COQ4: variants seen among roughly 807,000 people sequenced by gnomAD.
COQ4 encodes the protein coenzyme Q4, also known as ubiquinone biosynthesis protein COQ4 homolog, mitochondrial.
COQ4 carries 36 observed loss-of-function variants against 30.2 expected under a neutral mutation model. The ratio of observed to expected loss-of-function variants is 1.19; its 90% CI spans 0.91 to 1.57. The LOEUF is 1.57. COQ4 is among the 40% of genes most tolerant of loss of function. COQ4 has a pLI of 0.00. For synonymous variants in COQ4, 197 were observed against 161.0 expected, an observed-to-expected ratio of 1.22 and a Z score of -1.69; for missense variants, 369 against 371.9, an observed-to-expected ratio of 0.99 and a Z score of 0.07.
intron 2 of COQ4, 130 bp downstream of exon 2, chr9:128,323,277 A>G (rs12553525): frequency 2.2e-6 from 2 of 919,900 alleles, no homozygotes; most frequent in Admixed American, 3.2e-5. Context: ...GTTTATGAAA[A>G]TGCAGATTCC....
In COQ4 at chr9:128,332,835, A is replaced by G. The variant is rs1260114614; in HGVS notation, c.533-15A>G. 2.5e-6 allele frequency: 4 copies of G among 1,603,284 alleles called. No homozygotes were observed. The stretch of plus-strand genomic sequence containing the variant: ...AGATAGCTTGTTCACCTCCCAACAC[A>G]TCCCTCACCCACAGGGGAGATCGTG... On this transcript the variant is annotated splice_polypyrimidine_tract_variant and intron_variant, in intron 5 of 6. Coordinates refer to ENST00000300452, the MANE Select transcript of COQ4 (RefSeq NM_016035.5).
At chr9:128,323,998 T>C (rs530400859) in intron 2 of COQ4, among the ~76,000 whole-genome samples, 9 of 152,192 alleles carry the variant, frequency 5.9e-5, no homozygotes, top group Admixed American at 1.3e-4. Flanking sequence ...GTTTGTTTTG[T>C]TTTGAGACAC....
intron 4 of COQ4, among the ~76,000 whole-genome samples, chr9:128,329,138 C>A (rs1832366892): frequency 6.6e-6 from 1 of 152,176 alleles, no homozygotes; most frequent in African/African-American, 2.4e-5. Context: ...AATCCTGGCT[C>A]TCTTCCCAGC....
At chr9:128,323,718 C>G (rs1415328001) in intron 2 of COQ4, 1 of 176,882 alleles carries the variant, frequency 5.7e-6, no homozygotes, top group African/African-American at 2.4e-5. Flanking sequence ...ATCGGGGGGC[C>G]GAAGCGGGCA....
intron 4 of COQ4, among the ~76,000 whole-genome samples, chr9:128,328,251 C>A (rs1398260877): frequency 6.6e-6 from 1 of 151,946 alleles, no homozygotes; most frequent in African/African-American, 2.4e-5. Flanking sequence ...AGGTTTTGAG[C>A]AGGACAGTAA....
rs1351882911 is a variant in COQ4 at position 128,323,115 on chromosome 9, C to T, written c.170C>T (p.Ala57Val). ...LQKGLLAAGS[A>V]AMALYNPYRH... is the part of the protein sequence containing the mutation. ...AAAGGGCTGTTGGCCGCCGGCTCCG[C>T]GGCGATGGCGCTCTATAACCCCTAC... The change falls in exon 2 of 7, where the codon GCG (alanine) becomes GTG (valine). Residue 57 changes from alanine (A) to valine (V), a missense_variant. Ala to Val is a moderately conservative substitution (Grantham distance 64). Transcript: ENST00000300452. 1.2e-6 allele frequency: 2 copies of T among 1,610,286 alleles called. No individual in the cohort carries two copies. Among genetic ancestry groups the T allele is most frequent in the East Asian group, 2.2e-5 (1 of 44,852 alleles).
At chr9:128,333,274 T>C (rs1312513392) in intron 6 of COQ4, among the ~76,000 whole-genome samples, 200 bp from the exon 7 acceptor site, 1 of 152,130 alleles carries the variant, frequency 6.6e-6, no homozygotes, top group Non-Finnish European at 1.5e-5. Context: ...AAATCTGAGC[T>C]TCGACATGTT....
chr9:128,323,144 C>G lies in COQ4; in HGVS notation c.199C>G (p.His67Asp), dbSNP rs1170314790. 5 of 1,587,628 alleles carry G rather than the reference C, an allele frequency of 3.1e-6. No individual in the cohort carries two copies. Among genetic ancestry groups the G allele is most frequent in the Non-Finnish European group, 3.4e-6 (4 of 1,170,398 alleles). ...AAMALYNPYR[H>D]DMVAVLGETT... The stretch of plus-strand genomic sequence containing the variant: ...GATGGCGCTCTATAACCCCTACCGC[C>G]ACGGTAAGGCCGCCCGCGCCTCGCC... The change falls in exon 2 of 7, where the codon CAC (histidine) becomes GAC (aspartate). Residue 67 changes from histidine (H) to aspartate (D), a missense_variant. Transcript: ENST00000300452.
chr9:128,332,820 T>C, intron 5 of COQ4, 30 bp from the exon 6 acceptor site: 1 of 1,543,230 alleles, frequency 6.5e-7, no homozygotes, highest in Non-Finnish European at 9.0e-7. Flanking sequence ...AGATAGCTTG[T>C]TCACCTCCCA....
chr9:128,332,751 G>C (rs1832435935), intron 5 of COQ4, 99 bp from the exon 6 acceptor site: 3 of 939,754 alleles, frequency 3.2e-6, no homozygotes, highest in Non-Finnish European at 5.3e-6. Flanking sequence ...ACCCCGTAGA[G>C]ATTAGGGAGG....
chr9:128,330,573 A>C (rs1419238630), intron 4 of COQ4: 2 of 151,602 alleles, frequency 1.3e-5, no homozygotes, highest in Non-Finnish European at 2.9e-5. Context: ...AGCTCACTGC[A>C]ACCTCTGCCT....
In COQ4 at chr9:128,325,855, G is replaced by T; in HGVS notation, c.376G>T (p.Glu126Ter). 1 of 1,614,146 alleles carries T rather than the reference G, an allele frequency of 6.2e-7. No individual in the cohort carries two copies. The highest frequency in any genetic ancestry group is 8.5e-7 in the Non-Finnish European group (1 of 1,180,020). Residue 126 changes from glutamate to a stop codon, truncating the protein, a stop_gained, in exon 4 of 7, where the codon GAG (glutamate) becomes TAG (stop). Transcript: ENST00000300452. LOFTEE classifies it high-confidence loss of function. ...CCTGCCGGAAGGCTCCCTCGGTCGC[G>T]AGTATCTCCGTTTCCTGGATGTGAA... ...QSLPEGSLGR[E>*]YLRFLDVNRV...
chr9:128,327,214 G>A (rs1175373440), intron 4 of COQ4, among the ~76,000 whole-genome samples: 6 of 152,022 alleles, frequency 3.9e-5, no homozygotes, highest in African/African-American at 7.2e-5. Flanking sequence ...GGAGGCTGGC[G>A]GGAGGACCAC....
rs779144812 is a variant in COQ4, at chr9:128,333,666, TG to T, written c.*23del. The T allele has an allele frequency of 6.6e-7, 1 of 1,507,972 alleles. No homozygotes were observed. The highest frequency in any genetic ancestry group is 8.8e-7 in the Non-Finnish European group (1 of 1,133,764). 93.4% of individuals were successfully genotyped at this position (1,507,972 alleles called of 1,614,324 possible). A position where few individuals can be genotyped will look rare whatever the true frequency, so the allele number is the denominator to read the frequency against. ...CCTGAGCTCCTGAGCCAGCGGGGCC[TG>T]GCCTACCTCCCCCATCCCCTGCTTC... On this transcript the variant is annotated 3_prime_UTR_variant, in exon 7 of 7. Coordinates refer to ENST00000300452, the MANE Select transcript of COQ4 (RefSeq NM_016035.5).
At chr9:128,324,852 A>G (rs1488268426) in intron 2 of COQ4, among the ~76,000 whole-genome samples, 1 of 152,236 alleles carries the variant, frequency 6.6e-6, no homozygotes, top group African/African-American at 2.4e-5. Context: ...CTAAGCCTCT[A>G]CCAATCAATG....
intron 4 of COQ4, among the ~76,000 whole-genome samples, chr9:128,329,930 C>T (rs1832378174): frequency 6.6e-6 from 1 of 152,076 alleles, no homozygotes; most frequent in Admixed American, 6.6e-5. Context: ...CAGAAAAGTG[C>T]CCAGGACTGG....
intron 5 of COQ4, 183 bp from the exon 6 acceptor site, chr9:128,332,667 C>A: frequency 1.6e-6 from 1 of 619,578 alleles, no homozygotes; most frequent in Non-Finnish European, 2.9e-6. Flanking sequence ...CCCTTCTGTT[C>A]ACTCTTGGGC....
At chr9:128,326,175 C>T (rs1490670770) in intron 4 of COQ4, 5 of 558,784 alleles carry the variant, frequency 8.9e-6, no homozygotes, top group Non-Finnish European at 1.6e-5. Context: ...CTATTATTAT[C>T]CTCTTTTAGC....
In COQ4 at chr9:128,333,550, C is replaced by T; in HGVS notation, c.703C>T (p.Leu235=). The T allele has an allele frequency of 6.2e-7, 1 of 1,610,690 alleles. No homozygotes were observed. The highest frequency in any genetic ancestry group is 1.1e-5 in the South Asian group (1 of 90,380). ...GCGCAGAGCCCCATGTGTCCTCAAC[C>T]TGTACTATGAGCGGCGCTGGGAGCA... ...NGRRAPCVLN[L]YYERRWEQSL... is the part of the protein sequence containing the mutation. The change falls in exon 7 of 7, where the codon CTG becomes TTG. Residue 235 remains leucine (L), a synonymous_variant. Coordinates refer to ENST00000300452, the MANE Select transcript of COQ4 (RefSeq NM_016035.5).
Sources: gnomAD v4.1 joint callset for allele counts (sites outside exome capture counted in the v4.1 genomes callset) on GRCh38, gnomAD v4.1.1 for gene constraint, MANE v1.5 for transcripts, NCBI Gene and HGNC (gene_info 2026-07-23, HGNC 2026-07-21) for gene names.